The following TOX2 variants were observed in gnomAD, a reference collection of about 807,000 sequenced individuals.
The protein encoded by TOX2 is TOX high mobility group box family member 2, also known as granulosa cell HMG box 1.
TOX2 carries 15 observed loss-of-function variants against 47.4 expected under a neutral mutation model. The ratio of observed to expected loss-of-function variants is 0.32; its 90% CI spans 0.21 to 0.49. TOX2 has a LOEUF of 0.49. Ranked by LOEUF, TOX2 falls within the 20% of genes least tolerant of loss-of-function variation. The pLI is 0.99. For missense variants in TOX2, 622 were observed against 673.1 expected, an observed-to-expected ratio of 0.92 and a Z score of 0.84; for synonymous variants, 290 against 296.6, an observed-to-expected ratio of 0.98 and a Z score of 0.23.
At chr20:43,950,858 A>G (rs2069550603) in intron 1 of TOX2, among the ~76,000 whole-genome samples, 1 of 152,096 alleles carries the variant, frequency 6.6e-6, no homozygotes, top group Non-Finnish European at 1.5e-5. Flanking sequence ...GCTGTCTCCC[A>G]GGATCCCAGA....
chr20:44,037,971 T>G (rs1414653363), intron 3 of TOX2, among the ~76,000 whole-genome samples: 1 of 152,184 alleles, frequency 6.6e-6, no homozygotes, highest in Non-Finnish European at 1.5e-5. Context: ...ACTTGTTGAA[T>G]GGTTTTGACC....
Position 44,069,082 on chromosome 20 carries a change from C to T in TOX2, c.*396C>T. The T allele has an allele frequency of 7.8e-6, 3 of 383,402 alleles. No homozygotes were observed. Among genetic ancestry groups the T allele is most frequent in the Non-Finnish European group, 1.5e-5 (3 of 197,516 alleles). The allele number at this position is 383,402 out of a possible 1,614,324, so 23.8% of individuals were successfully genotyped here. On this transcript the variant is annotated 3_prime_UTR_variant, in exon 9 of 9. Coordinates refer to ENST00000341197, the MANE Select transcript of TOX2 (RefSeq NM_001098797.2). ...AGATGCATGGGCCAGAGGGCCGGCC[C>T]CCGGCATAGATGTGCACATCGGTTT...
intron 1 of TOX2, among the ~76,000 whole-genome samples, chr20:43,924,356 GT>G (rs1395884113): frequency 1.4e-5 from 2 of 142,776 alleles, no homozygotes; most frequent in Admixed American, 7.4e-5. Context: ...AATTAATGGA[GT>G]TTTTAGGGGC....
At chr20:44,068,141 C>T (rs1224803641) in intron 8 of TOX2, among the ~76,000 whole-genome samples, 1 of 152,112 alleles carries the variant, frequency 6.6e-6, no homozygotes, top group African/African-American at 2.4e-5. Flanking sequence ...GACCCTCCTA[C>T]CCCAGCCCTT....
At chr20:43,925,696 G>T (rs1015641086) in intron 1 of TOX2, among the ~76,000 whole-genome samples, 1 of 152,158 alleles carries the variant, frequency 6.6e-6, no homozygotes, top group African/African-American at 2.4e-5. Flanking sequence ...CACAGGCTTC[G>T]CTGTCAGTCT....
At chr20:43,977,303 G>T (rs2070098165) in intron 2 of TOX2, among the ~76,000 whole-genome samples, 2 of 152,100 alleles carry the variant, frequency 1.3e-5, no homozygotes, top group South Asian at 2.1e-4. Context: ...TTGAGACAGG[G>T]TTTCACCATG....
In TOX2 at chr20:43,937,805, C is replaced by T. The variant is rs1388696084; in HGVS notation, c.99+22815C>T. Among the ~76,000 whole-genome samples, 5 of 152,176 alleles carry T rather than the reference C, an allele frequency of 3.3e-5. No homozygotes were observed. The East Asian group carries it at 9.6e-4, about 29-fold the overall frequency. ...CAGCCTTTGATGTCCCTGGAGCCTT[C>T]AACAGCTTCTCTGAAGGCAGATCAG... On this transcript the variant is annotated intron_variant, in intron 1 of 8. Transcript: ENST00000341197.
In TOX2 at chr20:44,053,439, T is replaced by TATATAC. The variant is rs373458500; in HGVS notation, c.652-859_652-858insTATACA. Among the ~76,000 whole-genome samples, 687 of 143,134 alleles carry TATATAC rather than the reference T, an allele frequency of 4.8e-3. 3 individuals are homozygous for TATATAC. The highest frequency in any genetic ancestry group is 7.4e-3 in the Admixed American group (105 of 14,188). 93.9% of individuals were successfully genotyped at this position (143,134 alleles called of 152,430 possible). On this transcript the variant is annotated intron_variant, in intron 4 of 8. Coordinates refer to ENST00000341197, the MANE Select transcript of TOX2 (RefSeq NM_001098797.2). ...GCTCACAAGTGGGAGGGCAGATATA[T>TATATAC]ACACACACACACACACACACACACA...
chr20:43,932,318 T>C (rs1415874461), intron 1 of TOX2, among the ~76,000 whole-genome samples: 1 of 152,154 alleles, frequency 6.6e-6, no homozygotes, highest in African/African-American at 2.4e-5. Context: ...TCATTTAGGG[T>C]CTAGCATGTG....
chr20:43,982,838 G>A (rs935637277), intron 2 of TOX2, among the ~76,000 whole-genome samples: 2 of 150,984 alleles, frequency 1.3e-5, no homozygotes, highest in Non-Finnish European at 2.9e-5. Context: ...TGGAGAGGGA[G>A]AAGGATGTCA....
chr20:44,064,935 G>A, intron 6 of TOX2, 78 bp downstream of exon 6: 1 of 1,348,210 alleles, frequency 7.4e-7, no homozygotes, highest in Non-Finnish European at 1.1e-6. Context: ...TGGGGCCCGT[G>A]GGAAGGGCCG....
intron 3 of TOX2, among the ~76,000 whole-genome samples, chr20:44,030,863 C>T (rs2071139278): frequency 6.6e-6 from 1 of 152,222 alleles, no homozygotes; most frequent in Non-Finnish European, 1.5e-5. Flanking sequence ...AAGGTCTATG[C>T]AACTTTGTAA....
At chr20:44,030,145 G>A (rs1322466866) in intron 3 of TOX2, among the ~76,000 whole-genome samples, 1 of 152,020 alleles carries the variant, frequency 6.6e-6, no homozygotes, top group East Asian at 1.9e-4. Context: ...TCATCCCCAA[G>A]TTCAGCTGTC....
At chr20:43,931,503 C>T (rs939406676) in intron 1 of TOX2, among the ~76,000 whole-genome samples, 1 of 152,222 alleles carries the variant, frequency 6.6e-6, no homozygotes, top group East Asian at 1.9e-4. Context: ...TGCTATCCTC[C>T]CCTGTGCTCC....
rs765868125 is a variant in TOX2 at position 44,006,799 on chromosome 20, C to T, written c.411+7C>T. The T allele has an allele frequency of 1.2e-6, 2 of 1,611,060 alleles. No individual in the cohort carries two copies. The highest frequency in any genetic ancestry group is 1.7e-6 in the Non-Finnish European group (2 of 1,179,100). Reference sequence around the variant, plus strand: ...GTCGGGCCAGCTGCCCACGGTGAGTCCCTATCGCCTGCTGCAGTTCCTGCT... The same window carrying T: ...GTCGGGCCAGCTGCCCACGGTGAGTTCCTATCGCCTGCTGCAGTTCCTGCT... On this transcript the variant is annotated splice_region_variant and intron_variant, in intron 3 of 8. Coordinates refer to ENST00000341197, the MANE Select transcript of TOX2 (RefSeq NM_001098797.2).
At chr20:44,064,289 A>G (rs996568788) in intron 5 of TOX2, among the ~76,000 whole-genome samples, 1 of 152,224 alleles carries the variant, frequency 6.6e-6, no homozygotes, top group Non-Finnish European at 1.5e-5. Flanking sequence ...AAAGCCATGG[A>G]AACAAGGAGG....
At position 44,051,435 on chromosome 20, in the gene TOX2, G is replaced by C. The variant is rs1424887590; in HGVS notation, c.541G>C (p.Gly181Arg). The change falls in exon 4 of 9, where the codon GGC becomes CGC. Residue 181 changes from glycine to arginine, a missense_variant. Gly to Arg is a moderately radical substitution (Grantham distance 125). Around this residue, in one of 3 missense-constraint regions of TOX2, gnomAD observed 307 missense variants for 327.3 expected, o/e 0.94. Transcript: ENST00000341197. ...CCAGTCCCAGCTCATCTCGCAGATGGGCATCCGGAGCAGCATCGCCCACAG... is the reference window on the plus strand; with the variant it reads ...CCAGTCCCAGCTCATCTCGCAGATGCGCATCCGGAGCAGCATCGCCCACAG... ...LSQSQLISQM[G>R]IRSSIAHSSP... The C allele has an allele frequency of 4.3e-6, 7 of 1,613,946 alleles. No individual in the cohort carries two copies. The highest frequency in any genetic ancestry group is 5.9e-6 in the Non-Finnish European group (7 of 1,179,988).
intron 1 of TOX2, among the ~76,000 whole-genome samples, chr20:43,933,643 C>T (rs973811148): frequency 1.6e-4 from 24 of 152,160 alleles, no homozygotes; most frequent in African/African-American, 4.1e-4. Context: ...AGGGATGTTA[C>T]GAGAAAGCGG....
chr20:44,008,138 G>T (rs1331065632), intron 3 of TOX2, among the ~76,000 whole-genome samples: 2 of 152,096 alleles, frequency 1.3e-5, no homozygotes, highest in African/African-American at 4.8e-5. Context: ...ATAGCATGTG[G>T]TTCATGCTTT....
Sources: allele counts gnomAD v4.1 joint callset (sites outside exome capture counted in the v4.1 genomes callset), GRCh38; gene constraint gnomAD v4.1.1; regional missense constraint gnomAD v4.1.1; transcripts MANE v1.5; gene names NCBI Gene and HGNC (gene_info 2026-07-23, HGNC 2026-07-21).